Variants in GBF1 observed in about 807,000 individuals in gnomAD.
The protein encoded by GBF1 is Golgi-specific brefeldin A-resistance guanine nucleotide exchange factor 1.
GBF1 carries 114 observed loss-of-function variants against 210.5 expected under a neutral mutation model. The observed-to-expected ratio is 0.54, with a 90% CI of 0.47 to 0.63. The LOEUF (loss-of-function observed/expected upper bound fraction) is 0.63, where lower values mean the gene tolerates loss of function less well. GBF1 is among the 30% of genes least tolerant of loss of function. GBF1 has a pLI of 0.00. For synonymous variants in GBF1, 850 were observed against 889.2 expected, an observed-to-expected ratio of 0.96 and a Z score of 0.78; for missense variants, 1,851 against 2,357.7, an observed-to-expected ratio of 0.79 and a Z score of 4.45.
chr10:102,377,618 G>A (rs960321304), intron 33 of GBF1, among the ~76,000 whole-genome samples: 1 of 152,096 alleles, frequency 6.6e-6, no homozygotes, highest in African/African-American at 2.4e-5. Context: ...CTCTCAAAGT[G>A]CTAGGATTAC....
the GBF1 span, among the ~76,000 whole-genome samples, chr10:102,235,056 C>T: frequency 6.6e-6 from 1 of 152,112 alleles, no homozygotes. Flanking sequence ...ACACACTCTC[C>T]CACACATGCG....
At chr10:102,239,629 AGGTGAAG>A in the GBF1 span, among the ~76,000 whole-genome samples, 4 of 152,374 alleles carry the variant, frequency 2.6e-5, no homozygotes, top group South Asian at 8.3e-4. Context: ...TGTCACTCAC[AGGTGAAG>A]GGTAAGAAAG....
rs2060926228 is a variant in GBF1 at position 102,382,745 on chromosome 10, C to CTAAT, written c.*412_*415dup. The stretch of plus-strand genomic sequence containing the variant: ...ACCTCCTCCAGTTCTTCCTCTTTTA[C>CTAAT]TAATTAGTTGGTCAGTTTGGAGAGT... On this transcript the variant is annotated 3_prime_UTR_variant, in exon 40 of 40. Coordinates refer to ENST00000369983, the MANE Select transcript of GBF1 (RefSeq NM_001377137.1). 1.1e-5 allele frequency: 2 copies of CTAAT among 179,242 alleles called. No homozygotes were observed. The highest frequency in any genetic ancestry group is 6.0e-5 in the Admixed American group (1 of 16,772). The allele number at this position is 179,242 out of a possible 1,614,324, so 11.1% of individuals were successfully genotyped here.
At chr10:102,233,427 C>T in the GBF1 span, among the ~76,000 whole-genome samples, 1 of 151,630 alleles carries the variant, frequency 6.6e-6, no homozygotes, top group Admixed American at 6.6e-5. Flanking sequence ...CCTCAGCCTC[C>T]CATGTAGCTG....
chr10:102,240,014 A>G, the GBF1 span, among the ~76,000 whole-genome samples: 212 of 152,316 alleles, frequency 1.4e-3, 2 homozygotes, highest in Non-Finnish European at 2.3e-3. Flanking sequence ...TGGGACTGGT[A>G]GGGCTGAGGA....
Position 102,366,564 on chromosome 10 carries a change from G to A in GBF1, c.2433+58G>A, listed in dbSNP as rs906473482. On this transcript the variant is annotated intron_variant, in intron 19 of 39. Transcript: ENST00000369983. This position sits in a 1 kb window ranked among gnomAD's most constrained non-coding sequence, Gnocchi z 4.0. ...TCCAAGGTCAGTTTGACTGAGGGCTGAAGAATCCAGCTGCTGTCTCTTTTT... is the reference window on the plus strand; with the variant it reads ...TCCAAGGTCAGTTTGACTGAGGGCTAAAGAATCCAGCTGCTGTCTCTTTTT... The A allele has an allele frequency of 7.8e-7, 1 of 1,276,634 alleles. No individual in the cohort carries two copies. The highest frequency in any genetic ancestry group is 1.1e-6 in the Non-Finnish European group (1 of 898,840). The allele number at this position is 1,276,634 out of a possible 1,614,324, so 79.1% of individuals were successfully genotyped here. A position where few individuals can be genotyped will look rare whatever the true frequency, so the allele number is the denominator to read the frequency against.
intron 39 of GBF1, among the ~76,000 whole-genome samples, chr10:102,381,768 T>G (rs1004125882): frequency 3.8e-5 from 5 of 130,250 alleles, no homozygotes; most frequent in African/African-American, 1.2e-4. Context: ...GAGGTTGCAG[T>G]GAGCTGAGAT....
chr10:102,239,448 G>A, the GBF1 span, among the ~76,000 whole-genome samples: 1 of 152,184 alleles, frequency 6.6e-6, no homozygotes, highest in Non-Finnish European at 1.5e-5. Flanking sequence ...CACAGCAATG[G>A]GAGCACAAGC....
rs1376972555 is a variant in GBF1 at position 102,318,737 on chromosome 10, A to G, written c.164-25314A>G. 2.6e-5 allele frequency among the ~76,000 whole-genome samples: 4 copies of G among 151,390 alleles called. No homozygotes were observed. In the South Asian group the frequency reaches 6.3e-4, roughly 24 times the overall value. On this transcript the variant is annotated intron_variant, in intron 3 of 39. Coordinates refer to ENST00000369983, the MANE Select transcript of GBF1 (RefSeq NM_001377137.1). ...TGTTTATTCAGTTGTTTTCTTTTCTATTTCTAAATAATATGTTGATACTAC... is the reference window on the plus strand; with the variant it reads ...TGTTTATTCAGTTGTTTTCTTTTCTGTTTCTAAATAATATGTTGATACTAC...
At chr10:102,250,039 A>C (rs1443023450) in intron 1 of GBF1, among the ~76,000 whole-genome samples, 1 of 152,108 alleles carries the variant, frequency 6.6e-6, no homozygotes, top group Admixed American at 6.6e-5. Context: ...AGAAGGGCCT[A>C]TTGCTGGTCC....
Position 102,366,638 on chromosome 10 carries a change from G to T in GBF1, c.2433+132G>T. The T allele has an allele frequency of 1.0e-5, 8 of 803,772 alleles. No homozygotes were observed. The highest frequency in any genetic ancestry group is 1.3e-5 in the Non-Finnish European group (7 of 525,472). The allele number at this position is 803,772 out of a possible 1,614,324, so 49.8% of individuals were successfully genotyped here. ...GTCTCGCTCTGTCACCCAGGCTGGA[G>T]TGCAGTAGCGCAGTCTCAGCACACT... is the stretch of plus-strand genomic sequence containing the variant. On this transcript the variant is annotated intron_variant, in intron 19 of 39. Coordinates refer to ENST00000369983, the MANE Select transcript of GBF1 (RefSeq NM_001377137.1). The surrounding 1 kb of genome is among the most constrained non-coding windows in gnomAD (Gnocchi z 4.0).
intron 3 of GBF1, among the ~76,000 whole-genome samples, chr10:102,282,087 C>T (rs1324416936): frequency 7.1e-6 from 1 of 140,548 alleles, no homozygotes; most frequent in Non-Finnish European, 1.6e-5. Context: ...CCACCACACC[C>T]GGCTAATTTT....
At position 102,376,164 on chromosome 10, in the gene GBF1, A is replaced by C. The variant is rs1352694468; in HGVS notation, c.3887-108A>C. ...GGTGACAGAAATTAAACTATGCCAG[A>C]GAGAGGGGAGGCCAGGCCTCAGCAT... On this transcript the variant is annotated intron_variant, in intron 30 of 39. Transcript: ENST00000369983. 3.8e-6 allele frequency: 3 copies of C among 788,660 alleles called. No individual in the cohort carries two copies. The African/African-American group carries it at 5.2e-5, about 14-fold the overall frequency. 48.9% of individuals were successfully genotyped at this position (788,660 alleles called of 1,614,324 possible).
At chr10:102,359,546 G>T in intron 11 of GBF1, 111 bp downstream of exon 11, 1 of 746,600 alleles carries the variant, frequency 1.3e-6, no homozygotes, top group East Asian at 2.6e-5. Context: ...GTTGCTCCAA[G>T]TTCTAGGCTA....
intron 3 of GBF1, among the ~76,000 whole-genome samples, chr10:102,266,195 T>C (rs1752720): frequency 0.99 from 150,688 of 152,078 alleles, 74,673 homozygotes; most frequent in East Asian, 1. Flanking sequence ...GCCGAGATCG[T>C]GCCACTGCAC....
chr10:102,329,731 G>GCTA (rs2057191210), intron 3 of GBF1, among the ~76,000 whole-genome samples: 1 of 152,058 alleles, frequency 6.6e-6, no homozygotes, highest in African/African-American at 2.4e-5. Flanking sequence ...CCAAAGTGCT[G>GCTA]GGATTACAGG....
intron 1 of GBF1, among the ~76,000 whole-genome samples, chr10:102,257,521 C>T (rs370568358): frequency 2.4e-4 from 37 of 152,088 alleles, no homozygotes; most frequent in African/African-American, 8.7e-4. Flanking sequence ...TCACTGTTTG[C>T]CCAGGCTGGT....
At chr10:102,318,702 C>T (rs2056088437) in intron 3 of GBF1, among the ~76,000 whole-genome samples, 1 of 152,044 alleles carries the variant, frequency 6.6e-6, no homozygotes, top group South Asian at 2.1e-4. Context: ...CCTCCCTAAA[C>T]TCTTTTAGCT....
At chr10:102,319,213 G>A (rs565676149) in intron 3 of GBF1, among the ~76,000 whole-genome samples, 9 of 152,122 alleles carry the variant, frequency 5.9e-5, no homozygotes, top group South Asian at 2.1e-4. Context: ...CCAGCTACTC[G>A]AGAGGCTAAG....
Sources: allele counts gnomAD v4.1 joint callset (sites outside exome capture counted in the v4.1 genomes callset), GRCh38; gene constraint gnomAD v4.1.1; non-coding constraint Gnocchi (gnomAD v3.1); transcripts MANE v1.5; gene names NCBI Gene and HGNC (gene_info 2026-07-23, HGNC 2026-07-21).